The following EVI5 variants were observed in gnomAD, a reference collection of about 807,000 sequenced individuals.
The protein encoded by EVI5 is ecotropic viral integration site 5 protein homolog.
EVI5 carries 73 observed loss-of-function variants against 112.0 expected under a neutral mutation model. The ratio of observed to expected loss-of-function variants is 0.65; its 90% CI spans 0.54 to 0.79. The LOEUF (loss-of-function observed/expected upper bound fraction) is 0.79. Ranked by LOEUF, EVI5 falls within the 30% of genes least tolerant of loss-of-function variation. The pLI is 0.00. For synonymous variants in EVI5, 305 were observed against 319.9 expected, an observed-to-expected ratio of 0.95 and a Z score of 0.50; for missense variants, 900 against 968.8, an observed-to-expected ratio of 0.93 and a Z score of 0.94.
intron 1 of EVI5, among the ~76,000 whole-genome samples, chr1:92,755,081 T>G (rs1325227143): frequency 6.6e-6 from 1 of 151,138 alleles, no homozygotes; most frequent in Non-Finnish European, 1.5e-5. Context: ...TTTTTTTTTT[T>G]TTTTTTTTGC....
chr1:92,642,666 T>G (rs542619419), intron 13 of EVI5, among the ~76,000 whole-genome samples: 1 of 152,372 alleles, frequency 6.6e-6, no homozygotes, highest in East Asian at 1.9e-4. Flanking sequence ...TTTATTCATG[T>G]GTTTAATCCA....
intron 19 of EVI5, among the ~76,000 whole-genome samples, chr1:92,562,767 AG>A (rs1254000672): frequency 2.0e-5 from 3 of 152,216 alleles, no homozygotes; most frequent in African/African-American, 7.2e-5. Flanking sequence ...CAAAACATAC[AG>A]ACTTTAACTG....
intron 18 of EVI5, among the ~76,000 whole-genome samples, chr1:92,572,353 T>C (rs764026533): frequency 3.9e-5 from 6 of 152,070 alleles, no homozygotes; most frequent in Admixed American, 6.6e-5. Flanking sequence ...ATAGTGGGTT[T>C]ATAGGTGTTC....
At chr1:92,671,300 T>C (rs546107870) in intron 10 of EVI5, among the ~76,000 whole-genome samples, 3 of 152,302 alleles carry the variant, frequency 2.0e-5, no homozygotes, top group Admixed American at 6.5e-5. Flanking sequence ...TCTCTCTTTC[T>C]CACTGTCTCT....
At chr1:92,642,403 G>A (rs980055401) in intron 13 of EVI5, among the ~76,000 whole-genome samples, 9 of 152,088 alleles carry the variant, frequency 5.9e-5, no homozygotes, top group African/African-American at 1.4e-4. Context: ...AAAAATCTCC[G>A]TCCAGATTTA....
chr1:92,724,601 C>A (rs1675271434), intron 2 of EVI5, among the ~76,000 whole-genome samples: 1 of 151,954 alleles, frequency 6.6e-6, no homozygotes, highest in Admixed American at 6.6e-5. Context: ...TCAGCCCAGG[C>A]GTTCGAGACA....
intron 10 of EVI5, among the ~76,000 whole-genome samples, chr1:92,674,935 G>A (rs932004050): frequency 3.6e-4 from 55 of 152,118 alleles, no homozygotes; most frequent in African/African-American, 1.2e-3. Flanking sequence ...TCTTTTTTCC[G>A]ATTCTTCTCT....
intron 18 of EVI5, among the ~76,000 whole-genome samples, chr1:92,595,725 C>T (rs1647617980): frequency 6.6e-6 from 1 of 152,094 alleles, no homozygotes; most frequent in African/African-American, 2.4e-5. Flanking sequence ...GGAAATAAAG[C>T]TAGAAAAGTA....
At chr1:92,622,945 T>A (rs1420295772) in intron 16 of EVI5, among the ~76,000 whole-genome samples, 1 of 152,230 alleles carries the variant, frequency 6.6e-6, no homozygotes, top group East Asian at 1.9e-4. Flanking sequence ...CATACCTGAT[T>A]TCTCAAGTGT....
rs147573611 is a variant in EVI5 at position 92,598,176 on chromosome 1, CCACTCTTG to C, written c.2070+7123_2070+7130del. 9.2e-3 allele frequency among the ~76,000 whole-genome samples: 1,402 copies of C among 152,192 alleles called. 18 individuals are homozygous for C. Among genetic ancestry groups the C allele is most frequent in the African/African-American group, 0.032 (1,320 of 41,528 alleles). ...GTAATGAATAAGACAGATAAAAATT[CCACTCTTG>C]CACTCCCATGGAGCTTATGCTCTAG... On this transcript the variant is annotated intron_variant, in intron 18 of 19. Transcript: ENST00000684568.
intron 18 of EVI5, among the ~76,000 whole-genome samples, chr1:92,603,032 A>G (rs1419048733): frequency 6.6e-6 from 1 of 152,218 alleles, no homozygotes; most frequent in Non-Finnish European, 1.5e-5. Flanking sequence ...TCAATTAAGC[A>G]AAGGACCTGA....
chr1:92,543,079 C>A (rs746721126), intron 19 of EVI5, among the ~76,000 whole-genome samples: 1 of 152,136 alleles, frequency 6.6e-6, no homozygotes, highest in Non-Finnish European at 1.5e-5. Flanking sequence ...AACGAGAGAG[C>A]CATTTGAAGC....
At chr1:92,607,213 T>C (rs891094754) in intron 17 of EVI5, among the ~76,000 whole-genome samples, 1 of 152,066 alleles carries the variant, frequency 6.6e-6, no homozygotes, top group African/African-American at 2.4e-5. Context: ...ACTAATAAGA[T>C]ACCAATCAAA....
intron 13 of EVI5, among the ~76,000 whole-genome samples, chr1:92,642,857 A>G (rs1056388400): frequency 2.0e-5 from 3 of 152,238 alleles, no homozygotes; most frequent in Non-Finnish European, 2.9e-5. Flanking sequence ...CAGTCATTTC[A>G]GCATTCAGCA....
At chr1:92,711,541 G>A (rs1445919650) in intron 2 of EVI5, among the ~76,000 whole-genome samples, 4 of 152,144 alleles carry the variant, frequency 2.6e-5, no homozygotes, top group Non-Finnish European at 5.9e-5. Context: ...AGTAGTCCCA[G>A]CTACTTGGAA....
chr1:92,761,057 C>CAAAAA (rs35833050), intron 1 of EVI5, among the ~76,000 whole-genome samples: 2 of 106,200 alleles, frequency 1.9e-5, no homozygotes, highest in South Asian at 3.2e-4. Flanking sequence ...GGCTCCATCT[C>CAAAAA]AAAAAAAAAA....
chr1:92,745,477 T>A (rs996617081), intron 1 of EVI5, among the ~76,000 whole-genome samples: 1 of 152,220 alleles, frequency 6.6e-6, no homozygotes, highest in East Asian at 1.9e-4. Flanking sequence ...TACACTGTTA[T>A]ATTATAAACC....
chr1:92,509,605 T>G lies in EVI5; in HGVS notation c.*4051A>C, dbSNP rs1282077399. The G allele has an allele frequency of 2.0e-5, 3 of 152,146 alleles. No individual in the cohort carries two copies. Among genetic ancestry groups the G allele is most frequent in the African/African-American group, 4.8e-5 (2 of 41,414 alleles). 9.4% of individuals were successfully genotyped at this position (152,146 alleles called of 1,614,324 possible). ...ACACTACAGCCCCAAACTCCTGTAC[T>G]CTAGTGATCCTCCTGCCTCAGCCTC... On this transcript the variant is annotated 3_prime_UTR_variant, in exon 20 of 20. Coordinates refer to ENST00000684568, the MANE Select transcript of EVI5 (RefSeq NM_001350197.2).
intron 9 of EVI5, among the ~76,000 whole-genome samples, chr1:92,684,152 G>A (rs1668089326): frequency 6.6e-6 from 1 of 152,168 alleles, no homozygotes; most frequent in Admixed American, 6.6e-5. Context: ...CAGCCACAGA[G>A]AAAGGTCGGG....
Sources: gnomAD v4.1 joint callset for allele counts (sites outside exome capture counted in the v4.1 genomes callset) on GRCh38, gnomAD v4.1.1 for gene constraint, MANE v1.5 for transcripts, NCBI Gene and HGNC (gene_info 2026-07-23, HGNC 2026-07-21) for gene names.